UBA7: variants seen among roughly 807,000 people sequenced by gnomAD.
UBA7 encodes the protein ubiquitin-like modifier-activating enzyme 7.
In UBA7, 88 loss-of-function variants were observed where a neutral mutation model predicts 113.0. The ratio of observed to expected loss-of-function variants is 0.78; its 90% confidence interval spans 0.66 to 0.93. The LOEUF (loss-of-function observed/expected upper bound fraction) is 0.93. UBA7 is among the 40% of genes least tolerant of loss of function. UBA7 has a pLI of 0.00. For synonymous variants in UBA7, 459 were observed against 513.0 expected, an observed-to-expected ratio of 0.89 and a Z score of 1.42; for missense variants, 1,092 against 1,266.4, an observed-to-expected ratio of 0.86 and a Z score of 2.09.
In UBA7 at chr3:49,810,110, G is replaced by GC. The variant is rs1293282317; in HGVS notation, c.1706dup (p.Ser570GlnfsTer11). 1.2e-6 allele frequency: 2 copies of GC among 1,612,738 alleles called. No homozygotes were observed. Among genetic ancestry groups the GC allele is most frequent in the East Asian group, 4.5e-5 (2 of 44,886 alleles). ...CATGTGGCATGAATACTGTAGCACT[G>GC]CCCCAGGTGCCCGATGTGCCTGCCT... On this transcript the variant is annotated frameshift_variant, in exon 14 of 24. Coordinates refer to ENST00000333486, the MANE Select transcript of UBA7 (RefSeq NM_003335.3). LOFTEE classifies it high-confidence loss of function. The surrounding 1 kb of genome is among the most constrained non-coding windows in gnomAD (Gnocchi z 5.6).
intron 19 of UBA7, 104 bp downstream of exon 19, chr3:49,808,282 G>T (rs2081488043): frequency 7.2e-6 from 11 of 1,536,496 alleles, no homozygotes; most frequent in Middle Eastern, 1.9e-4. Flanking sequence ...CCAGGGTCTT[G>T]CTGGGAGAAT....
In UBA7 at chr3:49,808,094, G is replaced by A. The variant is rs776146772; in HGVS notation, c.2449C>T (p.His817Tyr). 9.3e-6 allele frequency: 15 copies of A among 1,613,992 alleles called. No individual in the cohort carries two copies. The highest frequency in any genetic ancestry group is 1.1e-5 in the Non-Finnish European group (13 of 1,180,004). Residue 817 changes from histidine (H) to tyrosine (Y), a missense_variant, in exon 20 of 24, where the codon CAT becomes TAT. By Grantham distance (83) the His-to-Tyr change is moderately conservative. Around this residue, in one of 3 missense-constraint regions of UBA7, gnomAD observed 500 missense variants for 529.3 expected, o/e 0.94. Coordinates refer to ENST00000333486, the MANE Select transcript of UBA7 (RefSeq NM_003335.3). The stretch of plus-strand genomic sequence containing the variant: ...GCTGCCGCTACCACAAAGTCCACAT[G>A]GAAGTTGCTGTCATCATCCTGTAAG... Reference protein sequence around the residue: ...MFEKDDDSNFHVDFVVAAASL... With the variant: ...MFEKDDDSNFYVDFVVAAASL...
In UBA7 at chr3:49,807,944, AT is replaced by A. The variant is rs747459864; in HGVS notation, c.2524-18del. The A allele has an allele frequency of 3.1e-6, 5 of 1,612,938 alleles. No homozygotes were observed. The highest frequency in any genetic ancestry group is 4.2e-6 in the Non-Finnish European group (5 of 1,179,136). ...TCGCTTGCTCTGCCAAGGACAAGAG[AT>A]TTGGTCTGGGCCCAAGGCGTAGGGC... On this transcript the variant is annotated intron_variant, in intron 20 of 23. Coordinates refer to ENST00000333486, the MANE Select transcript of UBA7 (RefSeq NM_003335.3). The surrounding 1 kb of genome is among the most constrained non-coding windows in gnomAD (Gnocchi z 4.0).
chr3:49,805,294 G>A lies in UBA7; in HGVS notation c.*14C>T. The stretch of plus-strand genomic sequence containing the variant: ...CGGGGCTCCATTGAGCTAGGTGACA[G>A]GGTGGCTGCCTTGTCACAGCTCATA... On this transcript the variant is annotated 3_prime_UTR_variant, in exon 24 of 24. Coordinates refer to ENST00000333486, the MANE Select transcript of UBA7 (RefSeq NM_003335.3). The A allele has an allele frequency of 6.2e-7, 1 of 1,610,586 alleles. No individual in the cohort carries two copies. Among genetic ancestry groups the A allele is most frequent in the South Asian group, 1.1e-5 (1 of 90,936 alleles).
chr3:49,813,285 C>A lies in UBA7; in HGVS notation c.324G>T (p.Thr108=). The A allele has an allele frequency of 6.2e-7, 1 of 1,614,174 alleles. No homozygotes were observed. The highest frequency in any genetic ancestry group is 8.5e-7 in the Non-Finnish European group (1 of 1,180,034). The change falls in exon 3 of 24, where the codon ACG becomes ACT. Residue 108 remains threonine, a synonymous_variant. Coordinates refer to ENST00000333486, the MANE Select transcript of UBA7 (RefSeq NM_003335.3). Reference sequence around the variant, plus strand: ...ACAGCAGGTCCTCAGTGATGTCACCCGTGTGCACGACGACCTGGACAGCTC... The same window carrying A: ...ACAGCAGGTCCTCAGTGATGTCACCAGTGTGCACGACGACCTGGACAGCTC... ...LNRAVQVVVH[T]GDITEDLLLD...
rs927387889 is a variant in UBA7, at chr3:49,811,056, C to G, written c.1158G>C (p.Trp386Cys). Residue 386 changes from tryptophan to cysteine, a missense_variant, in exon 10 of 24, where the codon TGG becomes TGC. Transcript: ENST00000333486. The part of the protein sequence containing the change: ...ISRKFMPLDQ[W>C]LYFDALDCLP... ...GACAATCGAGGGCATCAAAGTAAAGCCACTGGTCCAGAGGCATGAACTTCC... is the reference window on the plus strand; with the variant it reads ...GACAATCGAGGGCATCAAAGTAAAGGCACTGGTCCAGAGGCATGAACTTCC... 6.2e-7 allele frequency: 1 copy of G among 1,614,098 alleles called. No homozygotes were observed. Among genetic ancestry groups the G allele is most frequent in the South Asian group, 1.1e-5 (1 of 91,086 alleles).
chr3:49,811,347 C>A lies in UBA7; in HGVS notation c.1048G>T (p.Ala350Ser). The A allele has an allele frequency of 6.2e-7, 1 of 1,614,198 alleles. No individual in the cohort carries two copies. Among genetic ancestry groups the A allele is most frequent in the Non-Finnish European group, 8.5e-7 (1 of 1,180,026 alleles). Residue 350 changes from alanine to serine, a missense_variant, in exon 9 of 24, where the codon GCC becomes TCC. Physicochemically the swap from Ala to Ser is moderately conservative, Grantham distance 99. This residue lies in a region of UBA7 where 584 missense variants were observed against 714.5 expected (regional missense o/e 0.82). Coordinates refer to ENST00000333486, the MANE Select transcript of UBA7 (RefSeq NM_003335.3). ...PLDEALVRTVALSSAGVLSPM... is the reference protein window; with the variant it reads ...PLDEALVRTVSLSSAGVLSPM... ...CTCAAGACACCTGCACTGCTTAGGGCGACTGTCCGCACTAGGGCCTCATCC... is the reference window on the plus strand; with the variant it reads ...CTCAAGACACCTGCACTGCTTAGGGAGACTGTCCGCACTAGGGCCTCATCC...
At chr3:49,813,195 C>A in intron 3 of UBA7, 27 bp from the exon 4 acceptor site, 1 of 1,613,526 alleles carries the variant, frequency 6.2e-7, no homozygotes, top group South Asian at 1.1e-5. Flanking sequence ...ATCAGCAGGG[C>A]CAAAACCATT....
chr3:49,811,519 T>G (rs1464940526), intron 8 of UBA7, 64 bp from the exon 9 acceptor site: 18 of 1,539,728 alleles, frequency 1.2e-5, no homozygotes, highest in Non-Finnish European at 1.5e-5. Flanking sequence ...CTCAAATCCT[T>G]CCAGCCACCC....
rs748041125 is a variant in UBA7, at chr3:49,805,900, AG to A, written c.2905del (p.Leu969SerfsTer3). The A allele has an allele frequency of 7.7e-6, 12 of 1,552,708 alleles. No individual in the cohort carries two copies. In the South Asian group the frequency reaches 1.3e-4, roughly 17 times the overall value. ...CTAAAGCCCCAAGTGGGCTCACCTG[AG>A]GGGCAGGTGCTGGGCCTGCTTTTCA... Reference protein sequence around the residue: ...SPEKQAQHLPLRVTELVQQLT... With the variant: ...SPEKQAQHLPXRVTELVQQLT... On this transcript the variant is annotated frameshift_variant, in exon 23 of 24. Transcript: ENST00000333486. LOFTEE classifies it high-confidence loss of function.
chr3:49,812,276 G>A (rs895651300), intron 6 of UBA7, 70 bp from the exon 7 acceptor site: 1 of 1,610,450 alleles, frequency 6.2e-7, no homozygotes. Context: ...ATCCTATCTT[G>A]CATCTGTGTC....
intron 8 of UBA7, 77 bp from the exon 9 acceptor site, chr3:49,811,532 C>T: frequency 6.5e-7 from 1 of 1,527,812 alleles, no homozygotes; most frequent in Non-Finnish European, 8.8e-7. Context: ...AGCCACCCTC[C>T]ATCCACCCTG....
At chr3:49,806,273 A>C in intron 21 of UBA7, 108 bp from the exon 22 acceptor site, 43 of 669,376 alleles carry the variant, frequency 6.4e-5, no homozygotes, top group Non-Finnish European at 9.0e-5. Context: ...AGGAAACAGG[A>C]GCCAGGGGGT....
rs746497550 is a variant in UBA7 at position 49,811,356 on chromosome 3, G to A, written c.1039C>T (p.Arg347Trp). 4.3e-6 allele frequency: 7 copies of A among 1,614,134 alleles called. No homozygotes were observed. The highest frequency in any genetic ancestry group is 1.1e-5 in the South Asian group (1 of 91,074). ...CCTGCACTGCTTAGGGCGACTGTCC[G>A]CACTAGGGCCTCATCCAGTGGCTCT... is the stretch of plus-strand genomic sequence containing the variant. ...LEEPLDEALV[R>W]TVALSSAGVL... Residue 347 changes from arginine (R) to tryptophan (W), a missense_variant, in exon 9 of 24, where the codon CGG becomes TGG. Around this residue, in one of 3 missense-constraint regions of UBA7, gnomAD observed 584 missense variants for 714.5 expected, o/e 0.82. Transcript: ENST00000333486.
Position 49,813,387 on chromosome 3 carries a change from G to T in UBA7, c.226-4C>A. On this transcript the variant is annotated splice_region_variant and splice_polypyrimidine_tract_variant and intron_variant, in intron 2 of 23. Coordinates refer to ENST00000333486, the MANE Select transcript of UBA7 (RefSeq NM_003335.3). ...AGTCCTGCTCTGAGAGGAGAAACTA[G>T]GGAGAGAGCCAGTGCAGCCTGAGCA... is the stretch of plus-strand genomic sequence containing the variant. 6.2e-7 allele frequency: 1 copy of T among 1,613,134 alleles called. No homozygotes were observed. Among genetic ancestry groups the T allele is most frequent in the Non-Finnish European group, 8.5e-7 (1 of 1,179,496 alleles).
In UBA7 at chr3:49,813,558, T is replaced by G. The variant is rs887017263; in HGVS notation, c.146A>C (p.Lys49Thr). The change falls in exon 2 of 24, where the codon AAG (lysine) becomes ACG (threonine). Residue 49 changes from lysine (K) to threonine (T), a missense_variant. By Grantham distance (78) the Lys-to-Thr change is moderately conservative. This residue lies in a region of UBA7 where 584 missense variants were observed against 714.5 expected (regional missense o/e 0.82). Transcript: ENST00000333486. ...GCCCACACCCATCAGAACCAAGTTC[T>G]TGGCCACCTCGGCCCCCAGGCCCTG... ...GLQGLGAEVA[K>T]NLVLMGVGSL... The G allele has an allele frequency of 1.2e-6, 2 of 1,614,066 alleles. No individual in the cohort carries two copies. The highest frequency in any genetic ancestry group is 3.3e-4 in the Middle Eastern group (2 of 6,062).
intron 4 of UBA7, 47 bp from the exon 5 acceptor site, chr3:49,812,785 T>G: frequency 6.2e-7 from 1 of 1,601,154 alleles, no homozygotes; most frequent in Non-Finnish European, 8.5e-7. Context: ...CAGATTGTAC[T>G]TAAGGATAGG....
At chr3:49,812,349 TG>T in intron 6 of UBA7, 58 bp downstream of exon 6, 1 of 1,612,220 alleles carries the variant, frequency 6.2e-7, no homozygotes, top group Non-Finnish European at 8.5e-7. Context: ...GGCCAGGCTG[TG>T]CTCACTTCCA....
rs757122398 is a variant in UBA7 at position 49,808,063 on chromosome 3, A to T, written c.2480T>A (p.Leu827Gln). Reference protein sequence around the residue: ...HVDFVVAAASLRCQNYGIPPV... With the variant: ...HVDFVVAAASQRCQNYGIPPV... ...TGGAATCCCGTAGTTCTGACATCTCAGGCTAGCTGCCGCTACCACAAAGTC... is the reference window on the plus strand; with the variant it reads ...TGGAATCCCGTAGTTCTGACATCTCTGGCTAGCTGCCGCTACCACAAAGTC... Residue 827 changes from leucine to glutamine, a missense_variant, in exon 20 of 24, where the codon CTG becomes CAG. By Grantham distance (113) the Leu-to-Gln change is moderately radical (BLOSUM62 -2). Coordinates refer to ENST00000333486, the MANE Select transcript of UBA7 (RefSeq NM_003335.3). 1 of 1,613,956 alleles carries T rather than the reference A, an allele frequency of 6.2e-7. No individual in the cohort carries two copies. The highest frequency in any genetic ancestry group is 8.5e-7 in the Non-Finnish European group (1 of 1,179,866).
Sources: allele counts gnomAD v4.1 joint callset, GRCh38; gene constraint gnomAD v4.1.1; regional missense constraint gnomAD v4.1.1; non-coding constraint Gnocchi (gnomAD v3.1); transcripts MANE v1.5; gene names NCBI Gene and HGNC (gene_info 2026-07-23, HGNC 2026-07-21).